NDRG1: variants seen among roughly 807,000 people sequenced by gnomAD.
NDRG1 encodes the protein protein NDRG1.
In NDRG1, 32 loss-of-function variants were observed where a neutral mutation model predicts 56.9. The ratio of observed to expected loss-of-function variants is 0.56; its 90% confidence interval spans 0.42 to 0.76. The LOEUF is 0.76. NDRG1 is among the 30% of genes least tolerant of loss of function. NDRG1 has a pLI of 0.00. For synonymous variants in NDRG1, 211 were observed against 204.1 expected (o/e 1.03, Z -0.29); for missense variants, 507 against 545.7 (o/e 0.93, Z 0.71).
intron 3 of NDRG1, among the ~76,000 whole-genome samples, chr8:133,265,636 C>A (rs1242197890): frequency 6.6e-6 from 1 of 152,134 alleles, no homozygotes; most frequent in East Asian, 1.9e-4. Flanking sequence ...GTCATCCCTG[C>A]ACCTCTCCGC....
Position 133,262,160 on chromosome 8 carries a change from G to C in NDRG1, c.213C>G (p.Thr71=). 1.9e-6 allele frequency: 3 copies of C among 1,613,978 alleles called. No homozygotes were observed. Among genetic ancestry groups the C allele is most frequent in the Non-Finnish European group, 2.5e-6 (3 of 1,180,018 alleles). The change falls in exon 5 of 16, where the codon ACC becomes ACG. Residue 71 remains threonine (T), a synonymous_variant. Transcript: ENST00000323851. ...CGTAGTTGAAGAGGGGGTTGTAGCA[G>C]GTTTTGTCTGAAGAACAGCAGTGAG... The part of the protein sequence containing the change: ...TYHDIGMNHK[T]CYNPLFNYED...
intron 3 of NDRG1, among the ~76,000 whole-genome samples, chr8:133,272,141 AG>A (rs1377204624): frequency 6.6e-6 from 1 of 152,226 alleles, no homozygotes; most frequent in African/African-American, 2.4e-5. Context: ...TGTTGACATC[AG>A]GTCAAGAGAA....
At chr8:133,258,458 A>T (rs761041509) in intron 6 of NDRG1, 32 bp from the exon 7 acceptor site, 42 of 1,595,248 alleles carry the variant, frequency 2.6e-5, no homozygotes, top group Non-Finnish European at 3.4e-5. Flanking sequence ...CATGTCACAC[A>T]AGGACAGAGT....
At chr8:133,296,840 G>C (rs1344463172) in intron 1 of NDRG1, 1 of 238,844 alleles carries the variant, frequency 4.2e-6, no homozygotes, top group South Asian at 3.6e-5. Flanking sequence ...TTTTCGGACC[G>C]TCTCATCGCC....
At position 133,238,910 on chromosome 8, in the gene NDRG1, C is replaced by A. The variant is rs1276408714; in HGVS notation, c.1153G>T (p.Ala385Ser). Reference sequence around the variant, plus strand: ...GAGACCTCCATGGACTTGGGCCCGGCGCTGTTCCCAGCAGCACCCGAGTTG... The same window carrying A: ...GAGACCTCCATGGACTTGGGCCCGGAGCTGTTCCCAGCAGCACCCGAGTTG... ...TPNSGAAGNS[A>S]GPKSMEVSC Residue 385 changes from alanine to serine, a missense_variant, in exon 16 of 16, where the codon GCC (alanine) becomes TCC (serine). Coordinates refer to ENST00000323851, the MANE Select transcript of NDRG1 (RefSeq NM_006096.4). 2 of 1,559,338 alleles carry A rather than the reference C, an allele frequency of 1.3e-6. No homozygotes were observed. Among genetic ancestry groups the A allele is most frequent in the Admixed American group, 1.9e-5 (1 of 51,548 alleles).
chr8:133,268,991 C>G (rs1277234597), intron 3 of NDRG1, among the ~76,000 whole-genome samples: 1 of 152,204 alleles, frequency 6.6e-6, no homozygotes, highest in Non-Finnish European at 1.5e-5. Context: ...CTCACAAACA[C>G]AGGCCTTTGT....
intron 1 of NDRG1, among the ~76,000 whole-genome samples, chr8:133,286,391 A>T (rs1483482021): frequency 6.6e-6 from 1 of 152,186 alleles, no homozygotes; most frequent in Non-Finnish European, 1.5e-5. Flanking sequence ...ATTAGGACAT[A>T]GTGTCTGTCA....
At chr8:133,277,909 T>A (rs1330657896) in intron 3 of NDRG1, among the ~76,000 whole-genome samples, 1 of 151,978 alleles carries the variant, frequency 6.6e-6, no homozygotes, top group East Asian at 1.9e-4. Flanking sequence ...GTGCTAAGGG[T>A]CAATCACCAG....
At chr8:133,259,108 G>A (rs1856532336) in intron 6 of NDRG1, 60 bp downstream of exon 6, 4 of 1,561,088 alleles carry the variant, frequency 2.6e-6, no homozygotes, top group Non-Finnish European at 3.5e-6. Flanking sequence ...CAAGGGGCAG[G>A]AAGATGCTAG....
intron 3 of NDRG1, among the ~76,000 whole-genome samples, chr8:133,266,987 G>A (rs987098321): frequency 7.2e-5 from 11 of 152,082 alleles, no homozygotes; most frequent in Non-Finnish European, 1.0e-4. Flanking sequence ...AGGTTCCCCC[G>A]CAGCGTATGA....
intron 11 of NDRG1, among the ~76,000 whole-genome samples, chr8:133,248,201 C>T (rs1855800534): frequency 6.6e-6 from 1 of 152,184 alleles, no homozygotes; most frequent in Non-Finnish European, 1.5e-5. Flanking sequence ...CAGGACTTAG[C>T]TGGCAATCAA....
chr8:133,264,652 C>G lies in NDRG1; in HGVS notation c.100G>C (p.Glu34Gln). The G allele has an allele frequency of 1.2e-6, 2 of 1,613,842 alleles. No individual in the cohort carries two copies. Among genetic ancestry groups the G allele is most frequent in the South Asian group, 2.2e-5 (2 of 91,070 alleles). The change falls in exon 4 of 16, where the codon GAG (glutamate) becomes CAG (glutamine). Residue 34 changes from glutamate (E) to glutamine (Q), a missense_variant and splice_region_variant. Glu to Gln is a conservative substitution (Grantham distance 29). Coordinates refer to ENST00000323851, the MANE Select transcript of NDRG1 (RefSeq NM_006096.4). ...CCATGTAAAGTCTCGATGTCCTGCT[C>G]CTGAGGAGACACAGCAGACAGTGGG... is the stretch of plus-strand genomic sequence containing the variant. ...TGLLQEFDVQEQDIETLHGSV... is the reference protein window; with the variant it reads ...TGLLQEFDVQQQDIETLHGSV...
intron 3 of NDRG1, among the ~76,000 whole-genome samples, chr8:133,271,928 C>T (rs1360540341): frequency 1.3e-5 from 2 of 152,012 alleles, no homozygotes; most frequent in African/African-American, 2.4e-5. Flanking sequence ...AGCTTTGTCT[C>T]CTGTGCTATA....
At chr8:133,268,219 A>G (rs115951392) in intron 3 of NDRG1, among the ~76,000 whole-genome samples, 2,564 of 152,232 alleles carry the variant, frequency 0.017, 69 homozygotes, top group African/African-American at 0.059. Context: ...ATTACACCCT[A>G]GAAAGGAACT....
intron 9 of NDRG1, among the ~76,000 whole-genome samples, chr8:133,254,059 A>G (rs1276882520): frequency 7.2e-6 from 1 of 139,050 alleles, no homozygotes; most frequent in Admixed American, 7.2e-5. Flanking sequence ...GGTTATGCTG[A>G]GGGAAAGAAG....
chr8:133,287,818 A>G (rs889003150), intron 1 of NDRG1, among the ~76,000 whole-genome samples: 13 of 152,204 alleles, frequency 8.5e-5, no homozygotes, highest in Non-Finnish European at 1.6e-4. Context: ...ACGTTGCCAA[A>G]TGTCCCCTGG....
At chr8:133,242,697 G>A (rs1855451671) in intron 14 of NDRG1, among the ~76,000 whole-genome samples, 1 of 145,442 alleles carries the variant, frequency 6.9e-6, no homozygotes, top group Admixed American at 7.1e-5. Context: ...GGAAAGAAAA[G>A]GATGGATGGA....
intron 1 of NDRG1, 139 bp from the exon 2 acceptor site, chr8:133,284,468 G>T: frequency 1.4e-6 from 1 of 725,702 alleles, no homozygotes; most frequent in African/African-American, 1.7e-5. Flanking sequence ...GCACTGCAGG[G>T]GATGAGGAGG....
rs372998517 is a variant in NDRG1, at chr8:133,238,455, C to T, written c.*423G>A. The T allele has an allele frequency of 2.3e-5, 6 of 265,104 alleles. No homozygotes were observed. The highest frequency in any genetic ancestry group is 1.3e-4 in the African/African-American group (6 of 46,362). The allele number at this position is 265,104 out of a possible 1,614,324, so 16.4% of individuals were successfully genotyped here. On this transcript the variant is annotated 3_prime_UTR_variant, in exon 16 of 16. Transcript: ENST00000323851. ...TTGTTTCCGGAAACTGGATCAGCTTCTCCTCAGTTAAAGAGGAAACGGGAA... is the reference window on the plus strand; with the variant it reads ...TTGTTTCCGGAAACTGGATCAGCTTTTCCTCAGTTAAAGAGGAAACGGGAA...
Sources: gnomAD v4.1 joint callset for allele counts (sites outside exome capture counted in the v4.1 genomes callset) on GRCh38, gnomAD v4.1.1 for gene constraint, MANE v1.5 for transcripts, NCBI Gene and HGNC (gene_info 2026-07-23, HGNC 2026-07-21) for gene names.